The following MCM3AP variants were observed in gnomAD, a reference collection of about 807,000 sequenced individuals.
MCM3AP encodes minichromosome maintenance complex component 3 associated protein, also known as germinal-center associated nuclear protein.
Under a neutral mutation model 184.1 loss-of-function variants are expected in MCM3AP, and 126 were observed. The ratio of observed to expected loss-of-function variants is 0.68; its 90% CI spans 0.59 to 0.79. The LOEUF is 0.79. Among genes scored for constraint, MCM3AP ranks in the 30% least tolerant of loss-of-function variants. The probability of loss-of-function intolerance (pLI) is 0.00; values close to 1 mark genes in which losing one functional copy is unlikely to be tolerated. For missense variants in MCM3AP, 2,496 were observed against 2,479.2 expected (o/e 1.01, Z -0.14); for synonymous variants, 1,002 against 979.3 (o/e 1.02, Z -0.43).
At chr21:46,253,744 C>T (rs2080907439) in intron 19 of MCM3AP, 1 of 152,806 alleles carries the variant, frequency 6.5e-6, no homozygotes, top group African/African-American at 2.4e-5. Context: ...TGTGGCAACT[C>T]ACCCTCGCTG....
At chr21:46,282,126 G>C (rs1405518459) in intron 2 of MCM3AP, among the ~76,000 whole-genome samples, 1 of 152,082 alleles carries the variant, frequency 6.6e-6, no homozygotes, top group Non-Finnish European at 1.5e-5. Context: ...AACACAGTAA[G>C]ACCCCATCTA....
rs1158652617 is a variant in MCM3AP at position 46,265,448 on chromosome 21, G to C, written c.3107C>G (p.Pro1036Arg). The C allele has an allele frequency of 6.2e-7, 1 of 1,613,904 alleles. No individual in the cohort carries two copies. Among genetic ancestry groups the C allele is most frequent in the African/African-American group, 1.3e-5 (1 of 74,922 alleles). The change falls in exon 12 of 28, where the codon CCT becomes CGT. Residue 1036 changes from proline (P) to arginine (R), a missense_variant. This residue lies in a region of MCM3AP where 1,323 missense variants were observed against 1,273.4 expected (regional missense o/e 1.04). Transcript: ENST00000291688. ...LSSLPQSLPAPAPSPVPLPPV... is the reference protein window; with the variant it reads ...LSSLPQSLPARAPSPVPLPPV... ...AGGCAGAGGCACTGGTGAGGGCGCA[G>C]GGGCTGGTAGAGACTGTGGGAGACT...
chr21:46,282,246 A>C (rs1945199908), intron 2 of MCM3AP, among the ~76,000 whole-genome samples: 1 of 152,150 alleles, frequency 6.6e-6, no homozygotes, highest in African/African-American at 2.4e-5. Context: ...ACCCCAAAAA[A>C]CTGAAAGCAG....
intron 9 of MCM3AP, chr21:46,270,179 A>T (rs17176380): frequency 1.1e-4 from 44 of 400,068 alleles, no homozygotes; most frequent in African/African-American, 8.8e-4. Flanking sequence ...TATTTGAACC[A>T]TGGAACAGTA....
At chr21:46,282,921 CT>C (rs759869612) in intron 2 of MCM3AP, among the ~76,000 whole-genome samples, 3 of 151,938 alleles carry the variant, frequency 2.0e-5, no homozygotes, top group African/African-American at 7.2e-5. Flanking sequence ...GGGAATTTCA[CT>C]TTTTTTCTTT....
At position 46,277,630 on chromosome 21, in the gene MCM3AP, G is replaced by A. The variant is rs771124524; in HGVS notation, c.1755C>T (p.Leu585=). Reference sequence around the variant, plus strand: ...TACTGAGGGAGAGCACACATGGCCCGAGGCCCTCGGAGCCCTCGGAGGCTG... The same window carrying A: ...TACTGAGGGAGAGCACACATGGCCCAAGGCCCTCGGAGCCCTCGGAGGCTG... The part of the protein sequence containing the change: ...FDSASEGSEG[L]GPCVLSLSTL... Residue 585 remains leucine, a synonymous_variant, in exon 5 of 28, where the codon CTC becomes CTT. Coordinates refer to ENST00000291688, the MANE Select transcript of MCM3AP (RefSeq NM_003906.5). 1.1e-5 allele frequency: 17 copies of A among 1,611,962 alleles called. No individual in the cohort carries two copies. Among genetic ancestry groups the A allele is most frequent in the South Asian group, 8.8e-5 (8 of 90,726 alleles).
rs1403718581 is a variant in MCM3AP at position 46,251,390 on chromosome 21, CA to C, written c.4290+138del. The C allele has an allele frequency of 3.4e-4, 221 of 657,924 alleles. 1 individual carries two copies. Among genetic ancestry groups the C allele is most frequent in the Non-Finnish European group, 5.3e-4 (215 of 407,350 alleles). The allele number at this position is 657,924 out of a possible 1,614,324, so 40.8% of individuals were successfully genotyped here. On this transcript the variant is annotated intron_variant, in intron 20 of 27. Coordinates refer to ENST00000291688, the MANE Select transcript of MCM3AP (RefSeq NM_003906.5). ...TTTTTAAACGACATGTACGGACAGACATAATACTTGCTTCTGAGCCTCCCAG... is the reference window on the plus strand; with the variant it reads ...TTTTTAAACGACATGTACGGACAGACTAATACTTGCTTCTGAGCCTCCCAG...
At chr21:46,236,382 A>AC (rs11379216) in intron 27 of MCM3AP, 131,802 of 152,410 alleles carry the variant, frequency 0.86, 57,705 homozygotes, top group African/African-American at 0.96. Context: ...TTGAAAAGCA[A>AC]CCTGACCACT....
At chr21:46,253,693 G>C (rs916716040) in intron 19 of MCM3AP, 4 of 151,624 alleles carry the variant, frequency 2.6e-5, no homozygotes, top group African/African-American at 9.7e-5. Flanking sequence ...CCCCCTCACT[G>C]TTCTCATGAT....
At position 46,266,020 on chromosome 21, in the gene MCM3AP, G is replaced by C; in HGVS notation, c.2936C>G (p.Pro979Arg). ...GPLPPVPRHT[P>R]VCSFNSQNKY... ...GTTCTGGGAGTTGAAGCTGCACACA[G>C]GGGTATGACGAGGGACGGGGGGCAA... Residue 979 changes from proline to arginine, a missense_variant, in exon 11 of 28, where the codon CCT (proline) becomes CGT (arginine). This residue lies in a region of MCM3AP where 1,323 missense variants were observed against 1,273.4 expected (regional missense o/e 1.04). Transcript: ENST00000291688. 6.2e-7 allele frequency: 1 copy of C among 1,611,470 alleles called. No individual in the cohort carries two copies. The highest frequency in any genetic ancestry group is 8.5e-7 in the Non-Finnish European group (1 of 1,178,776).
In MCM3AP at chr21:46,245,009, A is replaced by G; in HGVS notation, c.4836T>C (p.Phe1612=). The G allele has an allele frequency of 6.2e-7, 1 of 1,614,196 alleles. No individual in the cohort carries two copies. Among genetic ancestry groups the G allele is most frequent in the Non-Finnish European group, 8.5e-7 (1 of 1,180,014 alleles). The change falls in exon 23 of 28, where the codon TTT becomes TTC. Residue 1612 remains phenylalanine, a synonymous_variant. Transcript: ENST00000291688. ...SQEPGAIIEL[F]NSVLQFLASV... ...AAGCCAGGAACTGCAGCACACTGTT[A>G]AACAGCTCAATGATGGCGCCAGGCT... is the stretch of plus-strand genomic sequence containing the variant.
At position 46,282,843 on chromosome 21, in the gene MCM3AP, A is replaced by G. The variant is rs141126447; in HGVS notation, c.1443+772T>C. ...AATAAATAAAAAGAAAGTATTATGC[A>G]TACATTTAAAGTCAGGATACAAACC... On this transcript the variant is annotated intron_variant, in intron 2 of 27. Coordinates refer to ENST00000291688, the MANE Select transcript of MCM3AP (RefSeq NM_003906.5). Among the ~76,000 whole-genome samples, 313 of 152,280 alleles carry G rather than the reference A, an allele frequency of 2.1e-3. 4 individuals are homozygous for G. The highest frequency in any genetic ancestry group is 7.3e-3 in the African/African-American group (303 of 41,558).
At position 46,240,899 on chromosome 21, in the gene MCM3AP, C is replaced by G; in HGVS notation, c.5545G>C (p.Glu1849Gln). The change falls in exon 26 of 28, where the codon GAG (glutamate) becomes CAG (glutamine). Residue 1849 changes from glutamate (E) to glutamine (Q), a missense_variant. Physicochemically the swap from Glu to Gln is conservative, Grantham distance 29. Around this residue, in one of 5 missense-constraint regions of MCM3AP, gnomAD observed 1,323 missense variants for 1,273.4 expected, o/e 1.04. Coordinates refer to ENST00000291688, the MANE Select transcript of MCM3AP (RefSeq NM_003906.5). Reference sequence around the variant, plus strand: ...GCAGAAGCTCCTCGCATCAGATCCTCTGTGCTGGGAATCCTCCCCTCTTGA... The same window carrying G: ...GCAGAAGCTCCTCGCATCAGATCCTGTGTGCTGGGAATCCTCCCCTCTTGA... The part of the protein sequence containing the change: ...CAQEGRIPST[E>Q]DLMRGASAEE... The G allele has an allele frequency of 6.2e-7, 1 of 1,614,222 alleles. No individual in the cohort carries two copies. The highest frequency in any genetic ancestry group is 2.2e-5 in the East Asian group (1 of 44,884).
chr21:46,259,844 G>C (rs2081017474), intron 15 of MCM3AP, among the ~76,000 whole-genome samples: 1 of 150,100 alleles, frequency 6.7e-6, no homozygotes, highest in Non-Finnish European at 1.5e-5. Flanking sequence ...GGCGGAGCTT[G>C]CAGTGAGCCG....
chr21:46,272,882 A>G, intron 7 of MCM3AP, 53 bp from the exon 8 acceptor site: 2 of 1,501,270 alleles, frequency 1.3e-6, no homozygotes, highest in Non-Finnish European at 1.8e-6. Flanking sequence ...CAAAGAGGCA[A>G]CCGTGAGAAG....
intron 19 of MCM3AP, 49 bp downstream of exon 19, chr21:46,254,343 C>A: frequency 6.2e-7 from 1 of 1,610,998 alleles, no homozygotes; most frequent in East Asian, 2.2e-5. Context: ...CAACCCTGCC[C>A]TGCCCACTCC....
At chr21:46,283,043 A>G (rs1261884792) in intron 2 of MCM3AP, among the ~76,000 whole-genome samples, 1 of 151,464 alleles carries the variant, frequency 6.6e-6, no homozygotes, top group East Asian at 2.0e-4. Context: ...CTCCTGCCTC[A>G]GCCTCCCGAG....
At chr21:46,281,913 G>A (rs965231664) in intron 2 of MCM3AP, among the ~76,000 whole-genome samples, 2 of 151,986 alleles carry the variant, frequency 1.3e-5, no homozygotes, top group Admixed American at 6.6e-5. Flanking sequence ...GAGGAGAATC[G>A]CTTGAACTGG....
rs561131415 is a variant in MCM3AP at position 46,268,784 on chromosome 21, C to T, written c.2628+1617G>A. Among the ~76,000 whole-genome samples, 10 of 152,346 alleles carry T rather than the reference C, an allele frequency of 6.6e-5. No individual in the cohort carries two copies. The East Asian group carries it at 1.3e-3, about 21-fold the overall frequency. On this transcript the variant is annotated intron_variant, in intron 9 of 27. Coordinates refer to ENST00000291688, the MANE Select transcript of MCM3AP (RefSeq NM_003906.5). ...AACGGCCAGGCAAGGTGGTTCATGC[C>T]TGTAATCCCAGCACTTTGGGAGGCC...
Sources: allele counts gnomAD v4.1 joint callset (sites outside exome capture counted in the v4.1 genomes callset), GRCh38; gene constraint gnomAD v4.1.1; regional missense constraint gnomAD v4.1.1; transcripts MANE v1.5; gene names NCBI Gene and HGNC (gene_info 2026-07-23, HGNC 2026-07-21).